Variants in IQGAP2 observed in about 807,000 individuals in gnomAD.
IQGAP2 encodes ras GTPase-activating-like protein IQGAP2.
IQGAP2 carries 173 observed loss-of-function variants against 201.3 expected under a neutral mutation model. That is an observed-to-expected ratio of 0.86 (90% CI 0.76 to 0.98). The LOEUF (loss-of-function observed/expected upper bound fraction) is 0.98. Among genes scored for constraint, IQGAP2 ranks in the 50% least tolerant of loss-of-function variants. The pLI, the probability that IQGAP2 is intolerant of heterozygous loss-of-function variation, is 0.00. For synonymous variants in IQGAP2, 675 were observed against 673.9 expected (o/e 1.00, Z -0.03); for missense variants, 1,687 against 1,864.8 (o/e 0.90, Z 1.76).
intron 2 of IQGAP2, among the ~76,000 whole-genome samples, chr5:76,557,519 G>GT (rs1744031969): frequency 6.6e-6 from 1 of 152,102 alleles, no homozygotes; most frequent in Non-Finnish European, 1.5e-5. Flanking sequence ...GATGCCTAAT[G>GT]TTAAAAAAAG....
chr5:76,515,999 T>A (rs918350343), intron 2 of IQGAP2, among the ~76,000 whole-genome samples: 1 of 150,338 alleles, frequency 6.7e-6, no homozygotes, highest in Non-Finnish European at 1.5e-5. Context: ...CACTTCAGCC[T>A]CTTGAGTAGC....
intron 18 of IQGAP2, 104 bp downstream of exon 18, chr5:76,652,937 C>A: frequency 2.7e-6 from 2 of 751,438 alleles, no homozygotes; most frequent in African/African-American, 1.7e-5. Context: ...ACATGTGAGC[C>A]TTGAAGTCAG....
chr5:76,573,518 GA>G (rs1474959401), intron 4 of IQGAP2, among the ~76,000 whole-genome samples: 1 of 152,214 alleles, frequency 6.6e-6, no homozygotes, highest in East Asian at 1.9e-4. Context: ...CTTTCCAGGA[GA>G]AATATAAATA....
At chr5:76,424,976 A>T (rs903818996) in intron 1 of IQGAP2, among the ~76,000 whole-genome samples, 12 of 152,186 alleles carry the variant, frequency 7.9e-5, no homozygotes, top group African/African-American at 2.7e-4. Flanking sequence ...TGCACGCAGG[A>T]TTGATTAGGG....
At chr5:76,561,832 A>G (rs1744393699) in intron 2 of IQGAP2, among the ~76,000 whole-genome samples, 1 of 152,232 alleles carries the variant, frequency 6.6e-6, no homozygotes, top group Non-Finnish European at 1.5e-5. Flanking sequence ...GTGTGTTGTC[A>G]TAAGTTCCTG....
intron 2 of IQGAP2, among the ~76,000 whole-genome samples, chr5:76,489,530 C>T (rs1756399234): frequency 6.6e-6 from 1 of 152,090 alleles, no homozygotes; most frequent in African/African-American, 2.4e-5. Context: ...GGCACAATCT[C>T]GGCTCATTGC....
chr5:76,527,660 G>T (rs940381401), intron 2 of IQGAP2, among the ~76,000 whole-genome samples: 32 of 152,156 alleles, frequency 2.1e-4, no homozygotes, highest in Admixed American at 3.3e-4. Flanking sequence ...ACTTTACAAG[G>T]TTCCTGTGCC....
chr5:76,553,136 G>T lies in IQGAP2; in HGVS notation c.147-9260G>T, dbSNP rs1359945628. On this transcript the variant is annotated intron_variant, in intron 2 of 35. Coordinates refer to ENST00000274364, the MANE Select transcript of IQGAP2 (RefSeq NM_006633.5). ...CTAATGGAATCATGGTGGCAGTTTT[G>T]CATTGGCCTCCAGCTAATGAAAAGT... Among the ~76,000 whole-genome samples, 5 of 152,142 alleles carry T rather than the reference G, an allele frequency of 3.3e-5. No homozygotes were observed. In the East Asian group the frequency reaches 9.6e-4, roughly 29 times the overall value.
At chr5:76,466,172 C>CA (rs1170140768) in intron 2 of IQGAP2, among the ~76,000 whole-genome samples, 17 of 147,756 alleles carry the variant, frequency 1.2e-4, no homozygotes, top group Admixed American at 1.0e-3. Flanking sequence ...CCTGTCTCTG[C>CA]AAAAAAAAAA....
chr5:76,530,396 G>C (rs1213640356), intron 2 of IQGAP2, among the ~76,000 whole-genome samples: 1 of 152,152 alleles, frequency 6.6e-6, no homozygotes. Context: ...AGTTTACCCA[G>C]CGTTTTCTTG....
Position 76,707,435 on chromosome 5 carries a change from A to T in IQGAP2, c.*122A>T. ...ATAAATGTGTGATTTTTTTAAAACG[A>T]CCAAAACTGTTCTGAAGAATGTACC... is the stretch of plus-strand genomic sequence containing the variant. On this transcript the variant is annotated 3_prime_UTR_variant, in exon 36 of 36. Coordinates refer to ENST00000274364, the MANE Select transcript of IQGAP2 (RefSeq NM_006633.5). 1.5e-6 allele frequency: 1 copy of T among 646,252 alleles called. No homozygotes were observed. Among genetic ancestry groups the T allele is most frequent in the Non-Finnish European group, 2.8e-6 (1 of 363,270 alleles). 40.0% of individuals were successfully genotyped at this position (646,252 alleles called of 1,614,324 possible). A position where few individuals can be genotyped will look rare whatever the true frequency, so the allele number is the denominator to read the frequency against.
intron 35 of IQGAP2, among the ~76,000 whole-genome samples, chr5:76,703,079 G>T (rs1747558665): frequency 8.9e-6 from 1 of 112,258 alleles, no homozygotes. Context: ...ACAGTGGCAT[G>T]TATGCCCAGG....
At chr5:76,638,368 A>G (rs1751310189) in intron 16 of IQGAP2, among the ~76,000 whole-genome samples, 1 of 152,074 alleles carries the variant, frequency 6.6e-6, no homozygotes, top group Non-Finnish European at 1.5e-5. Context: ...GACAAGAGCT[A>G]CACTCTGTCC....
At chr5:76,570,363 G>C (rs574638077) in intron 3 of IQGAP2, among the ~76,000 whole-genome samples, 1 of 152,168 alleles carries the variant, frequency 6.6e-6, no homozygotes, top group South Asian at 2.1e-4. Context: ...TACCTCAAAC[G>C]TGTGAATTAT....
At chr5:76,588,092 A>G (rs1339627931) in intron 5 of IQGAP2, among the ~76,000 whole-genome samples, 3 of 152,182 alleles carry the variant, frequency 2.0e-5, no homozygotes, top group Admixed American at 6.5e-5. Flanking sequence ...CATTTAATGA[A>G]ATTCTATGTT....
intron 1 of IQGAP2, among the ~76,000 whole-genome samples, chr5:76,428,918 C>T (rs1228033274): frequency 2.0e-5 from 3 of 151,608 alleles, no homozygotes; most frequent in African/African-American, 7.3e-5. Flanking sequence ...CATGGTGAAA[C>T]CCCACCTCTG....
chr5:76,562,516 G>GAA lies in IQGAP2; in HGVS notation c.271_272dup (p.Ile92ArgfsTer27), dbSNP rs983964339. The GAA allele has an allele frequency of 1.9e-6, 3 of 1,613,770 alleles. No homozygotes were observed. Among genetic ancestry groups the GAA allele is most frequent in the Non-Finnish European group, 8.5e-7 (1 of 1,179,910 alleles). On this transcript the variant is annotated frameshift_variant, in exon 3 of 36. Transcript: ENST00000274364. LOFTEE classifies it high-confidence loss of function. Reference sequence around the variant, plus strand: ...TCTTTGCCCCGAAAATGGTATCAGAGAAAAAGATCTATGATGTGGAACAAA... The same window carrying GAA: ...TCTTTGCCCCGAAAATGGTATCAGAGAAAAAAAGATCTATGATGTGGAACAAA...
intron 1 of IQGAP2, among the ~76,000 whole-genome samples, chr5:76,405,427 T>C (rs1750741890): frequency 6.6e-6 from 1 of 152,196 alleles, no homozygotes; most frequent in Admixed American, 6.5e-5. Flanking sequence ...TTCCCTCCAC[T>C]CATCAAGTGC....
chr5:76,503,174 C>CTTTTT (rs11297908), intron 2 of IQGAP2, among the ~76,000 whole-genome samples: 51 of 109,324 alleles, frequency 4.7e-4, no homozygotes, highest in African/African-American at 9.3e-4. Context: ...CTTTTCTTTT[C>CTTTTT]TTTTTTTTTT....
Sources: gnomAD v4.1 joint callset for allele counts (sites outside exome capture counted in the v4.1 genomes callset) on GRCh38, gnomAD v4.1.1 for gene constraint, MANE v1.5 for transcripts, NCBI Gene and HGNC (gene_info 2026-07-23, HGNC 2026-07-21) for gene names.